Variants in HMGB3 observed in about 807,000 individuals in gnomAD.
The protein encoded by HMGB3 is high mobility group protein B3.
Under a neutral mutation model 12.9 loss-of-function variants are expected in HMGB3, and 1 was observed. That is an observed-to-expected ratio of 0.08 (90% CI 0.03 to 0.37). HMGB3 has a LOEUF of 0.37. Among genes scored for constraint, HMGB3 ranks in the 10% least tolerant of loss-of-function variants. HMGB3 has a pLI of 0.99. For missense variants in HMGB3, 74 were observed against 153.3 expected (o/e 0.48, Z 2.73); for synonymous variants, 61 against 53.9 (o/e 1.13, Z -0.57).
intron 2 of HMGB3, 134 bp from the exon 3 acceptor site, chrX:150,985,917 G>A: frequency 2.5e-6 from 2 of 809,414 alleles, no homozygotes; most frequent in Non-Finnish European, 3.5e-6. Context: ...ATTTTTTTAA[G>A]GCCCTGCACA....
upstream of HMGB3, chrX:150,983,280 C>T: frequency 1.3e-6 from 1 of 754,851 alleles, no homozygotes; most frequent in South Asian, 6.4e-5. Flanking sequence ...AGCCCGCTGG[C>T]CAATCAGGCG....
intron 1 of HMGB3, among the ~76,000 whole-genome samples, chrX:150,984,402 T>C (rs1603339477): frequency 1.0e-5 from 1 of 97,618 alleles, no homozygotes; most frequent in African/African-American, 3.6e-5. Flanking sequence ...TTCGCCGCTG[T>C]CGCCGCCGCC....
At chrX:150,981,161 G>C (rs1286712632), upstream of HMGB3, among the ~76,000 whole-genome samples, 1 of 110,126 alleles carries the variant, frequency 9.1e-6, no homozygotes, top group East Asian at 2.8e-4. Context: ...GGAGCAGGGA[G>C]GGGCTGTCTG....
At chrX:150,986,283 T>A in intron 3 of HMGB3, 93 bp downstream of exon 3, 1 of 737,768 alleles carries the variant, frequency 1.4e-6, no homozygotes, top group Non-Finnish European at 1.9e-6. Flanking sequence ...CATTTCAAAA[T>A]GAAATATTTT....
In HMGB3 at chrX:150,988,069, T is replaced by C. The variant is rs2048073485; in HGVS notation, c.*155T>C. ...TAGTCTCTCAAAGTGCTCTAGAAATTGTCAGTGGTTTACATGAAGTGGCCA... is the reference window on the plus strand; with the variant it reads ...TAGTCTCTCAAAGTGCTCTAGAAATCGTCAGTGGTTTACATGAAGTGGCCA... On this transcript the variant is annotated 3_prime_UTR_variant, in exon 5 of 5. Transcript: ENST00000325307. 4 of 719,507 alleles carry C rather than the reference T, an allele frequency of 5.6e-6. No individual in the cohort carries two copies. The East Asian group carries it at 1.3e-4, about 23-fold the overall frequency. 59.3% of individuals were successfully genotyped at this position (719,507 alleles called of 1,213,427 possible). A position where few individuals can be genotyped will look rare whatever the true frequency, so the allele number is the denominator to read the frequency against.
At chrX:150,986,346 G>C (rs1403076615) in intron 3 of HMGB3, among the ~76,000 whole-genome samples, 156 bp downstream of exon 3, 1 of 109,532 alleles carries the variant, frequency 9.1e-6, no homozygotes, top group East Asian at 2.9e-4. Context: ...CTGTACTTGG[G>C]CTTTACGATG....
At chrX:150,983,398 C>CCCGCCGCCGCCGCCGCCGCCGCCG (rs782215936) in intron 1 of HMGB3, 22 bp downstream of exon 1, 21 of 602,263 alleles carry the variant, frequency 3.5e-5, no homozygotes, top group African/African-American at 3.4e-4. Flanking sequence ...ACCGCCCGCT[C>CCCGCCGCCGCCGCCGCCGCCGCCG]CCGCCGCCGC....
chrX:150,982,972 C>T (rs1279613268), upstream of HMGB3, among the ~76,000 whole-genome samples: 2 of 112,957 alleles, frequency 1.8e-5, no homozygotes, highest in Non-Finnish European at 3.8e-5. Flanking sequence ...CAGAGGGCAG[C>T]GCAGCGGGGC....
rs1380076316 is a variant in HMGB3, at chrX:150,987,307, G to A, written c.465+5G>A. ...CTGAAGGAGAAGTATGAGAAGGTAA[G>A]GTGGGGCTGGAAGCCTGGACTGGTG... On this transcript the variant is annotated splice_donor_5th_base_variant and intron_variant, in intron 4 of 4. Coordinates refer to ENST00000325307, the MANE Select transcript of HMGB3 (RefSeq NM_005342.4). 8.4e-7 allele frequency: 1 copy of A among 1,197,339 alleles called. No homozygotes were observed. The highest frequency in any genetic ancestry group is 1.8e-5 in the African/African-American group (1 of 57,094).
At chrX:150,986,589 G>C (rs113808802) in intron 3 of HMGB3, among the ~76,000 whole-genome samples, 33 of 32,956 alleles carry the variant, frequency 1.0e-3, no homozygotes, top group African/African-American at 2.1e-3. Flanking sequence ...CACACACACA[G>C]AGCACCATAT....
intron 2 of HMGB3, 148 bp from the exon 3 acceptor site, chrX:150,985,902 CT>C: frequency 1.2e-6 from 1 of 830,060 alleles, no homozygotes; most frequent in Non-Finnish European, 1.7e-6. Flanking sequence ...TGTGTGTGTG[CT>C]TTTATTTTTT....
At chrX:150,987,465 T>G (rs1557425269) in intron 4 of HMGB3, among the ~76,000 whole-genome samples, 163 bp downstream of exon 4, 1 of 111,471 alleles carries the variant, frequency 9.0e-6, no homozygotes, top group Admixed American at 9.5e-5. Flanking sequence ...TGCTTTTTTT[T>G]GACAGGTCTT....
intron 1 of HMGB3, chrX:150,984,552 G>C (rs2048031229): frequency 1.4e-6 from 1 of 731,276 alleles, no homozygotes; most frequent in Non-Finnish European, 1.6e-6. Context: ...CCGGCCCCGC[G>C]CGTCCCCCGG....
intron 4 of HMGB3, 114 bp downstream of exon 4, chrX:150,987,416 C>A: frequency 1.7e-6 from 1 of 588,889 alleles, no homozygotes; most frequent in Non-Finnish European, 2.6e-6. Context: ...CGCTCAAGGG[C>A]CCATCCCCCT....
intron 3 of HMGB3, among the ~76,000 whole-genome samples, chrX:150,986,801 G>A (rs1238601536): frequency 1.8e-5 from 2 of 110,435 alleles, no homozygotes; most frequent in African/African-American, 6.6e-5. Context: ...GCACCACCAT[G>A]CCCGGCTAAT....
Position 150,987,850 on chromosome X carries a change from T to C in HMGB3, c.539T>C (p.Val180Ala). The C allele has an allele frequency of 8.3e-7, 1 of 1,200,268 alleles. No homozygotes were observed. The highest frequency in any genetic ancestry group is 1.8e-5 in the South Asian group (1 of 56,432). Residue 180 changes from valine (V) to alanine (A), a missense_variant, in exon 5 of 5, where the codon GTG (valine) becomes GCG (alanine). Physicochemically the swap from Val to Ala is moderately conservative, Grantham distance 64. This residue lies in a region of HMGB3 where 29 missense variants were observed against 29.5 expected (regional missense o/e 0.98). Transcript: ENST00000325307. Reference sequence around the variant, plus strand: ...CCTGCTAAAGTTGCCCGGAAAAAGGTGGAAGAGGAAGATGAAGAAGAGGAG... The same window carrying C: ...CCTGCTAAAGTTGCCCGGAAAAAGGCGGAAGAGGAAGATGAAGAAGAGGAG... ...KGPAKVARKK[V>A]EEEDEEEEEE...
intron 2 of HMGB3, 101 bp from the exon 3 acceptor site, chrX:150,985,950 C>T (rs374801685): frequency 1.1e-6 from 1 of 952,123 alleles, no homozygotes; most frequent in Non-Finnish European, 1.5e-6. Context: ...TTACCTACCC[C>T]CTTTTGCAAG....
chrX:150,982,564 C>G (rs955597206), upstream of HMGB3, among the ~76,000 whole-genome samples: 1 of 112,738 alleles, frequency 8.9e-6, no homozygotes, highest in African/African-American at 3.2e-5. Context: ...AAGTGTTATT[C>G]TTTGCCCACA....
rs1475802502 is a variant in HMGB3, at chrX:150,989,941, G to A, written c.*2027G>A. The A allele has an allele frequency of 9.0e-6, 1 of 111,646 alleles. No individual in the cohort carries two copies. Among genetic ancestry groups the A allele is most frequent in the Non-Finnish European group, 1.9e-5 (1 of 53,184 alleles). The allele number at this position is 111,646 out of a possible 1,213,427, so 9.2% of individuals were successfully genotyped here. ...ATTCGCTCTCCCATCAGAACTGTTT[G>A]TCCTGAATGTGTTCCTCTAGTTCTA... On this transcript the variant is annotated 3_prime_UTR_variant, in exon 5 of 5. Transcript: ENST00000325307.
Sources: allele counts gnomAD v4.1 joint callset (sites outside exome capture counted in the v4.1 genomes callset), GRCh38; gene constraint gnomAD v4.1.1; regional missense constraint gnomAD v4.1.1; transcripts MANE v1.5; gene names NCBI Gene and HGNC (gene_info 2026-07-23, HGNC 2026-07-21).